The following RFX7 variants were observed in gnomAD, a reference collection of about 807,000 sequenced individuals.
RFX7 encodes the protein DNA-binding protein RFX7.
A neutral mutation model predicts 111.8 loss-of-function variants in RFX7; 26 were observed. That is an observed-to-expected ratio of 0.23 (90% CI 0.17 to 0.32). The LOEUF (loss-of-function observed/expected upper bound fraction) is 0.32. Ranked by LOEUF, RFX7 falls within the 10% of genes least tolerant of loss-of-function variation. RFX7 has a pLI of 1.00. For missense variants in RFX7, 1,573 were observed against 1,772.9 expected, an observed-to-expected ratio of 0.89 and a Z score of 2.02; for synonymous variants, 624 against 624.4, an observed-to-expected ratio of 1.00 and a Z score of 0.01.
At chr15:56,184,193 AT>A (rs35880948) in intron 2 of RFX7, among the ~76,000 whole-genome samples, 193 of 80,732 alleles carry the variant, frequency 2.4e-3, no homozygotes, top group African/African-American at 6.5e-3. Flanking sequence ...CTAATTTTGT[AT>A]TTTTTTTTTT....
intron 2 of RFX7, among the ~76,000 whole-genome samples, chr15:56,234,561 CG>C (rs2043602135): frequency 6.6e-6 from 1 of 152,154 alleles, no homozygotes; most frequent in African/African-American, 2.4e-5. Context: ...AATCAAATTA[CG>C]GAAGTGATTC....
chr15:56,210,670 C>T (rs1223182683), intron 2 of RFX7, among the ~76,000 whole-genome samples: 1 of 151,860 alleles, frequency 6.6e-6, no homozygotes, highest in African/African-American at 2.4e-5. Context: ...TTCCAAAATA[C>T]GTGGAAATTA....
intron 2 of RFX7, among the ~76,000 whole-genome samples, chr15:56,194,048 T>C (rs913592673): frequency 6.6e-6 from 1 of 152,098 alleles, no homozygotes; most frequent in Non-Finnish European, 1.5e-5. Context: ...ATGTAAGCAA[T>C]AGTATCACAG....
intron 5 of RFX7, among the ~76,000 whole-genome samples, chr15:56,105,859 A>G (rs2041823309): frequency 6.6e-6 from 1 of 152,198 alleles, no homozygotes; most frequent in Non-Finnish European, 1.5e-5. Context: ...TAAAGAAAAA[A>G]GGACAAATTA....
At chr15:56,238,382 C>T (rs1210535416) in intron 2 of RFX7, among the ~76,000 whole-genome samples, 1 of 152,124 alleles carries the variant, frequency 6.6e-6, no homozygotes, top group Admixed American at 6.5e-5. Context: ...CAAAATAGAT[C>T]ATATATATAA....
At chr15:56,190,582 G>T (rs1336071615) in intron 2 of RFX7, among the ~76,000 whole-genome samples, 1 of 152,136 alleles carries the variant, frequency 6.6e-6, no homozygotes, top group African/African-American at 2.4e-5. Flanking sequence ...AATCACAAAA[G>T]CATTCCCTAA....
At chr15:56,106,433 CAG>C in intron 5 of RFX7, among the ~76,000 whole-genome samples, 1 of 152,232 alleles carries the variant, frequency 6.6e-6, no homozygotes, top group East Asian at 1.9e-4. Flanking sequence ...TCATTTCAAA[CAG>C]AAAATAAAGA....
chr15:56,117,397 AAGAATTT>A (rs1217836824), intron 5 of RFX7, among the ~76,000 whole-genome samples: 1 of 152,170 alleles, frequency 6.6e-6, no homozygotes, highest in African/African-American at 2.4e-5. Flanking sequence ...TTTTGAAACT[AAGAATTT>A]CAAAAAAGCT....
intron 2 of RFX7, among the ~76,000 whole-genome samples, chr15:56,215,555 T>C (rs2043355407): frequency 6.6e-6 from 1 of 152,218 alleles, no homozygotes; most frequent in Non-Finnish European, 1.5e-5. Flanking sequence ...CTGGCTAGGA[T>C]GTTATTACCA....
At chr15:56,181,528 T>G (rs1195622255) in intron 2 of RFX7, among the ~76,000 whole-genome samples, 1 of 152,140 alleles carries the variant, frequency 6.6e-6, no homozygotes, top group African/African-American at 2.4e-5. Context: ...CTGTATCATC[T>G]GGTATATGTA....
chr15:56,103,408 AT>A, intron 6 of RFX7, 145 bp downstream of exon 6: 1 of 572,900 alleles, frequency 1.7e-6, no homozygotes, highest in Non-Finnish European at 3.1e-6. Context: ...TGAAAGTTAC[AT>A]TTGCAATTAT....
In RFX7 at chr15:56,218,592, G is replaced by A. The variant is rs116212890; in HGVS notation, c.161+24533C>T. On this transcript the variant is annotated intron_variant, in intron 2 of 9. Coordinates refer to ENST00000559447, the MANE Select transcript of RFX7 (RefSeq NM_022841.7). ...GGACTGCTCGCTGTATGGCATCTAG[G>A]CCTCTAGAGGTGAGGAGGCATGGCA... is the stretch of plus-strand genomic sequence containing the variant. Among the ~76,000 whole-genome samples, 499 of 152,290 alleles carry A rather than the reference G, an allele frequency of 3.3e-3. 1 individual carries two copies. The highest frequency in any genetic ancestry group is 0.012 in the African/African-American group (487 of 41,544).
At chr15:56,242,966 A>T (rs1461018267) in intron 2 of RFX7, among the ~76,000 whole-genome samples, 159 bp downstream of exon 2, 1 of 152,128 alleles carries the variant, frequency 6.6e-6, no homozygotes, top group Non-Finnish European at 1.5e-5. Context: ...AAGTCCGCAC[A>T]CCTCCAGAGA....
intron 3 of RFX7, among the ~76,000 whole-genome samples, chr15:56,163,774 C>T (rs561765088): frequency 2.6e-5 from 4 of 152,152 alleles, no homozygotes; most frequent in Admixed American, 1.3e-4. Flanking sequence ...ATTGGCTGGC[C>T]GTTGTAATGG....
chr15:56,155,766 TA>T (rs1223982910), intron 3 of RFX7, among the ~76,000 whole-genome samples: 1 of 150,846 alleles, frequency 6.6e-6, no homozygotes, highest in Non-Finnish European at 1.5e-5. Flanking sequence ...AAAGTATATT[TA>T]AAAAAATGTG....
intron 5 of RFX7, among the ~76,000 whole-genome samples, chr15:56,119,446 T>C (rs946263571): frequency 9.9e-5 from 15 of 152,176 alleles, no homozygotes; most frequent in Non-Finnish European, 5.9e-5. Context: ...AGAAACCATG[T>C]ATTTCCCCAG....
chr15:56,199,618 T>C (rs528756879), intron 2 of RFX7, among the ~76,000 whole-genome samples: 3 of 152,284 alleles, frequency 2.0e-5, no homozygotes, highest in East Asian at 3.9e-4. Context: ...ACATATAATA[T>C]ACTCCTTAAA....
rs559637541 is a variant in RFX7 at position 56,160,098 on chromosome 15, G to C, written c.196-15615C>G. Among the ~76,000 whole-genome samples, 36 of 152,146 alleles carry C rather than the reference G, an allele frequency of 2.4e-4. No individual in the cohort carries two copies. In the Middle Eastern group the frequency reaches 0.017, roughly 72 times the overall value. On this transcript the variant is annotated intron_variant, in intron 3 of 9. Transcript: ENST00000559447. ...AAGCAAGGTTAAAAAAGTGGGGAAG[G>C]GCTGATGCTTATAAAGAGCATAACA... is the stretch of plus-strand genomic sequence containing the variant.
chr15:56,170,539 A>G (rs1468230295), intron 3 of RFX7, among the ~76,000 whole-genome samples: 1 of 152,102 alleles, frequency 6.6e-6, no homozygotes, highest in Non-Finnish European at 1.5e-5. Flanking sequence ...ATGTCTCCAT[A>G]TATTGTCAAA....
Sources: gnomAD v4.1 joint callset for allele counts (sites outside exome capture counted in the v4.1 genomes callset) on GRCh38, gnomAD v4.1.1 for gene constraint, MANE v1.5 for transcripts, NCBI Gene and HGNC (gene_info 2026-07-23, HGNC 2026-07-21) for gene names.